The following BICD1 variants were observed in gnomAD, a reference collection of about 807,000 sequenced individuals.
BICD1 encodes the protein BICD cargo adaptor 1.
A neutral mutation model predicts 92.5 loss-of-function variants in BICD1; 35 were observed. The ratio of observed to expected loss-of-function variants is 0.38; its 90% CI spans 0.29 to 0.50. The LOEUF is 0.50. Ranked by LOEUF, BICD1 falls within the 20% of genes least tolerant of loss-of-function variation. The pLI is 0.93. For synonymous variants in BICD1, 429 were observed against 465.1 expected (o/e 0.92, Z 1.00); for missense variants, 950 against 1,189.8 (o/e 0.80, Z 2.97).
intron 2 of BICD1, among the ~76,000 whole-genome samples, chr12:32,217,778 C>T (rs1181191369): frequency 6.6e-6 from 1 of 152,162 alleles, no homozygotes; most frequent in Non-Finnish European, 1.5e-5. Flanking sequence ...AGTGCAGTGG[C>T]ACAATCCAGC....
intron 1 of BICD1, among the ~76,000 whole-genome samples, chr12:32,156,613 T>C (rs1482079621): frequency 6.6e-6 from 1 of 152,334 alleles, no homozygotes; most frequent in East Asian, 1.9e-4. Flanking sequence ...TGACATTTGC[T>C]TTTTGGTCTT....
intron 1 of BICD1, among the ~76,000 whole-genome samples, chr12:32,116,909 GT>G (rs1399300800): frequency 6.6e-6 from 1 of 151,696 alleles, no homozygotes; most frequent in Non-Finnish European, 1.5e-5. Context: ...CCATTTCATA[GT>G]TCCCTTTTTC....
chr12:32,169,828 G>T (rs1943883309), intron 1 of BICD1, among the ~76,000 whole-genome samples: 1 of 152,058 alleles, frequency 6.6e-6, no homozygotes, highest in South Asian at 2.1e-4. Flanking sequence ...GGGCTCAAGT[G>T]ATCCTCCTGA....
At chr12:32,176,620 A>T (rs984983066) in intron 1 of BICD1, among the ~76,000 whole-genome samples, 1 of 152,226 alleles carries the variant, frequency 6.6e-6, no homozygotes, top group Non-Finnish European at 1.5e-5. Context: ...CTATCATTGT[A>T]GATTAGTGTT....
chr12:32,277,070 C>T (rs905960877), intron 2 of BICD1, among the ~76,000 whole-genome samples: 1 of 152,162 alleles, frequency 6.6e-6, no homozygotes, highest in African/African-American at 2.4e-5. Context: ...GGTCCATGTC[C>T]AGAACTGTTT....
At chr12:32,268,078 G>A (rs929614266) in intron 2 of BICD1, among the ~76,000 whole-genome samples, 1 of 152,192 alleles carries the variant, frequency 6.6e-6, no homozygotes, top group Admixed American at 6.5e-5. Context: ...GATTACAGGT[G>A]TGAGCCACTG....
At chr12:32,370,582 G>C (rs2136335788) in intron 9 of BICD1, among the ~76,000 whole-genome samples, 1 of 152,212 alleles carries the variant, frequency 6.6e-6, no homozygotes, top group South Asian at 2.1e-4. Context: ...TTATACCTGA[G>C]AGAGTGAATG....
intron 1 of BICD1, among the ~76,000 whole-genome samples, chr12:32,112,233 C>T (rs545765557): frequency 5.9e-5 from 9 of 152,040 alleles, no homozygotes; most frequent in Admixed American, 3.9e-4. Context: ...CTTGAACTCC[C>T]GACCTCAGGT....
rs779018052 is a variant in BICD1, at chr12:32,337,885, G to A, written c.2570+69G>A. On this transcript the variant is annotated intron_variant, in intron 7 of 9. Coordinates refer to ENST00000652176, the MANE Select transcript of BICD1 (RefSeq NM_001714.4). This position sits in a 1 kb window ranked among gnomAD's most constrained non-coding sequence, Gnocchi z 4.7. ...TTTAGTTAACTGCAAAAATAAATGT[G>A]CTCTTGTTGTGGAGGATGGAGGAGG... The A allele has an allele frequency of 6.5e-7, 1 of 1,543,624 alleles. No individual in the cohort carries two copies. Among genetic ancestry groups the A allele is most frequent in the Non-Finnish European group, 8.9e-7 (1 of 1,119,178 alleles).
rs573564008 is a variant in BICD1 at position 32,379,481 on chromosome 12, A to T, written c.*1854A>T. The T allele has an allele frequency of 6.6e-6, 1 of 152,354 alleles. No individual in the cohort carries two copies. Among genetic ancestry groups the T allele is most frequent in the Non-Finnish European group, 1.5e-5 (1 of 68,036 alleles). The allele number at this position is 152,354 out of a possible 1,614,324, so 9.4% of individuals were successfully genotyped here. ...AGAAACAGAAACAAAACGATTCGAC[A>T]TGAAGTTCCCAACCATAGCAGCCTA... is the stretch of plus-strand genomic sequence containing the variant. On this transcript the variant is annotated 3_prime_UTR_variant, in exon 10 of 10. Coordinates refer to ENST00000652176, the MANE Select transcript of BICD1 (RefSeq NM_001714.4).
chr12:32,367,526 G>GAAA, intron 8 of BICD1, 144 bp from the exon 9 acceptor site: 5 of 517,336 alleles, frequency 9.7e-6, no homozygotes, highest in Non-Finnish European at 1.3e-5. Context: ...CATTCAAGAA[G>GAAA]AAAAAAAAAA....
At chr12:32,165,698 A>AG (rs1193775560) in intron 1 of BICD1, among the ~76,000 whole-genome samples, 1 of 151,914 alleles carries the variant, frequency 6.6e-6, no homozygotes, top group Non-Finnish European at 1.5e-5. Context: ...AAAAAAAAAA[A>AG]AAGTATTTGA....
chr12:32,248,643 G>A (rs1215048515), intron 2 of BICD1, among the ~76,000 whole-genome samples: 2 of 152,164 alleles, frequency 1.3e-5, no homozygotes, highest in East Asian at 1.9e-4. Context: ...AGAAGAGGGT[G>A]GGGAGAACTG....
chr12:32,164,646 CT>C (rs1436470998), intron 1 of BICD1, among the ~76,000 whole-genome samples: 2 of 152,280 alleles, frequency 1.3e-5, no homozygotes, highest in Admixed American at 6.5e-5. Flanking sequence ...TAACCTGTCC[CT>C]CCCTATCTTT....
intron 2 of BICD1, among the ~76,000 whole-genome samples, chr12:32,249,185 G>C (rs1413860392): frequency 6.6e-6 from 1 of 152,152 alleles, no homozygotes; most frequent in Non-Finnish European, 1.5e-5. Context: ...GGGTAGGGTA[G>C]AGTATAGCAA....
At chr12:32,310,696 G>A (rs1337758828) in intron 4 of BICD1, among the ~76,000 whole-genome samples, 3 of 152,058 alleles carry the variant, frequency 2.0e-5, no homozygotes, top group Admixed American at 1.3e-4. Flanking sequence ...AAAAACAAAC[G>A]TTTAATGATT....
chr12:32,283,771 C>G (rs1387188247), intron 2 of BICD1, among the ~76,000 whole-genome samples: 1 of 152,154 alleles, frequency 6.6e-6, no homozygotes, highest in African/African-American at 2.4e-5. Flanking sequence ...GGTACAGGAG[C>G]AGATCACCTG....
intron 2 of BICD1, among the ~76,000 whole-genome samples, chr12:32,279,024 G>C (rs986943173): frequency 2.0e-5 from 3 of 152,142 alleles, no homozygotes; most frequent in East Asian, 1.9e-4. Flanking sequence ...GTGTGGAATA[G>C]ATTTTGTGCT....
At position 32,338,829 on chromosome 12, in the gene BICD1, T is replaced by G; in HGVS notation, c.2614T>G (p.Ser872Ala). The change falls in exon 8 of 10, where the codon TCA (serine) becomes GCA (alanine). Residue 872 changes from serine to alanine, a missense_variant. By Grantham distance (99) the Ser-to-Ala change is moderately conservative (BLOSUM62 1). Around this residue, in one of 5 missense-constraint regions of BICD1, gnomAD observed 179 missense variants for 186.7 expected, o/e 0.96. Coordinates refer to ENST00000652176, the MANE Select transcript of BICD1 (RefSeq NM_001714.4). The part of the protein sequence containing the change: ...SLCDQSRPRT[S>A]GASYLQNLLR... ...TTGTGATCAGAGCCGTCCCAGGACT[T>G]CAGGGGCTTCCTACCTACAGAATTT... 1 of 1,605,682 alleles carries G rather than the reference T, an allele frequency of 6.2e-7. No individual in the cohort carries two copies. The highest frequency in any genetic ancestry group is 8.5e-7 in the Non-Finnish European group (1 of 1,176,548).
Sources: gnomAD v4.1 joint callset for allele counts (sites outside exome capture counted in the v4.1 genomes callset) on GRCh38, gnomAD v4.1.1 for gene constraint, gnomAD v4.1.1 regional missense constraint, Gnocchi (gnomAD v3.1) non-coding constraint, MANE v1.5 for transcripts, NCBI Gene and HGNC (gene_info 2026-07-23, HGNC 2026-07-21) for gene names.